The following CACNA1D variants were observed in gnomAD, a reference collection of about 807,000 sequenced individuals.
The protein encoded by CACNA1D is calcium voltage-gated channel subunit alpha1 D.
CACNA1D carries 55 observed loss-of-function variants against 257.1 expected under a neutral mutation model. The ratio of observed to expected loss-of-function variants is 0.21; its 90% CI spans 0.17 to 0.27. The LOEUF is 0.27. Ranked by LOEUF, CACNA1D falls within the 10% of genes least tolerant of loss-of-function variation. The pLI, the probability that CACNA1D is intolerant of heterozygous loss-of-function variation, is 1.00. For missense variants in CACNA1D, 1,876 were observed against 2,784.0 expected, an observed-to-expected ratio of 0.67 and a Z score of 7.34; for synonymous variants, 980 against 1,014.9, an observed-to-expected ratio of 0.97 and a Z score of 0.65.
intron 3 of CACNA1D, among the ~76,000 whole-genome samples, chr3:53,559,537 A>G (rs574995019): frequency 6.7e-4 from 102 of 152,298 alleles, no homozygotes; most frequent in African/African-American, 2.4e-3. Context: ...ACTTTGGTTC[A>G]GTTTTCAAAG....
At chr3:53,806,265 C>T (rs2095565813) in intron 45 of CACNA1D, among the ~76,000 whole-genome samples, 1 of 150,974 alleles carries the variant, frequency 6.6e-6, no homozygotes, top group African/African-American at 2.4e-5. Flanking sequence ...ACTTTCTCTG[C>T]TTCTCCCTCA....
intron 3 of CACNA1D, among the ~76,000 whole-genome samples, chr3:53,585,095 T>C (rs920889280): frequency 7.5e-5 from 11 of 146,812 alleles, no homozygotes; most frequent in Non-Finnish European, 1.5e-4. Context: ...TTAATATGGG[T>C]CAGAGCTGCC....
At chr3:53,650,012 G>A (rs923338802) in intron 3 of CACNA1D, among the ~76,000 whole-genome samples, 3 of 152,224 alleles carry the variant, frequency 2.0e-5, no homozygotes, top group Admixed American at 6.5e-5. Flanking sequence ...TAGCCCGTGA[G>A]CAGCACCTGT....
intron 37 of CACNA1D, 111 bp downstream of exon 37, chr3:53,777,067 G>C (rs2095401933): frequency 6.3e-6 from 5 of 796,138 alleles, no homozygotes; most frequent in Admixed American, 5.9e-5. Context: ...TAGGGATGCA[G>C]CAATGAATAA....
At position 53,811,389 on chromosome 3, in the gene CACNA1D, T is replaced by C. The variant is rs1428483747; in HGVS notation, c.6469T>C (p.Cys2157Arg). ...DEEDLADEMI[C>R]ITTL ...GGAGGACCTGGCGGATGAAATGATA[T>C]GCATCACCACCTTGTAGCCCCCAGC... The change falls in exon 48 of 48, where the codon TGC becomes CGC. Residue 2157 changes from cysteine to arginine, a missense_variant. Cys to Arg is a radical substitution (Grantham distance 180, BLOSUM62 -3). Transcript: ENST00000350061. This position sits in a 1 kb window ranked among gnomAD's most constrained non-coding sequence, Gnocchi z 4.2. 3 of 1,574,434 alleles carry C rather than the reference T, an allele frequency of 1.9e-6. No individual in the cohort carries two copies. Among genetic ancestry groups the C allele is most frequent in the African/African-American group, 1.3e-5 (1 of 74,088 alleles).
chr3:53,518,583 C>T (rs2091435657), intron 3 of CACNA1D, among the ~76,000 whole-genome samples: 1 of 152,130 alleles, frequency 6.6e-6, no homozygotes, highest in African/African-American at 2.4e-5. Context: ...AGGGCTGCAA[C>T]CTCTTCCCAA....
intron 44 of CACNA1D, among the ~76,000 whole-genome samples, chr3:53,804,684 G>T (rs998534393): frequency 3.3e-5 from 5 of 152,204 alleles, no homozygotes; most frequent in Non-Finnish European, 7.3e-5. Flanking sequence ...CAGGAGAGGG[G>T]CTCTCACGGA....
intron 3 of CACNA1D, among the ~76,000 whole-genome samples, chr3:53,599,165 A>G (rs2107858835): frequency 6.6e-6 from 1 of 152,348 alleles, no homozygotes; most frequent in Non-Finnish European, 1.5e-5. Flanking sequence ...CATTTTTCAC[A>G]TTAGCTTAAA....
intron 19 of CACNA1D, 25 bp from the exon 20 acceptor site, chr3:53,735,349 T>G: frequency 6.2e-7 from 1 of 1,613,246 alleles, no homozygotes; most frequent in Non-Finnish European, 8.5e-7. Context: ...TGGGACTGTT[T>G]CCAAGCAGCG....
At chr3:53,720,530 A>AT (rs2094871532) in intron 11 of CACNA1D, among the ~76,000 whole-genome samples, 1 of 152,252 alleles carries the variant, frequency 6.6e-6, no homozygotes, top group Non-Finnish European at 1.5e-5. Context: ...TATCCCATAT[A>AT]TATAAAGATT....
chr3:53,668,793 A>G (rs2094294529), intron 7 of CACNA1D, among the ~76,000 whole-genome samples: 1 of 152,246 alleles, frequency 6.6e-6, no homozygotes, highest in South Asian at 2.1e-4. Flanking sequence ...ATACATAAGC[A>G]AATGGATGTG....
At chr3:53,745,012 T>C (rs755260371) in intron 23 of CACNA1D, among the ~76,000 whole-genome samples, 185 bp downstream of exon 23, 5 of 152,242 alleles carry the variant, frequency 3.3e-5, no homozygotes, top group Admixed American at 6.5e-5. Context: ...ATTTATTGTC[T>C]TTATTTTTGG....
intron 20 of CACNA1D, among the ~76,000 whole-genome samples, chr3:53,736,132 G>T (rs1367572482): frequency 2.0e-5 from 3 of 152,046 alleles, no homozygotes; most frequent in African/African-American, 4.8e-5. Flanking sequence ...TGAAGGACAG[G>T]AGTTCAAGAC....
intron 20 of CACNA1D, among the ~76,000 whole-genome samples, chr3:53,739,174 G>A (rs780336804): frequency 6.6e-6 from 1 of 152,182 alleles, no homozygotes; most frequent in African/African-American, 2.4e-5. Context: ...GCTGGCATAC[G>A]CCAGGCCTAC....
At chr3:53,742,558 A>G (rs543417128) in intron 21 of CACNA1D, among the ~76,000 whole-genome samples, 5 of 152,228 alleles carry the variant, frequency 3.3e-5, no homozygotes, top group South Asian at 2.1e-4. Context: ...GTAGGTCCAT[A>G]GAGCCTGGGA....
intron 46 of CACNA1D, chr3:53,809,132 G>T: frequency 3.8e-6 from 1 of 263,772 alleles, no homozygotes; most frequent in Non-Finnish European, 7.4e-6. Context: ...AAGCGGTGCA[G>T]CCCTTCATTT....
At chr3:53,773,500 A>C (rs978432166) in intron 33 of CACNA1D, 1 of 154,978 alleles carries the variant, frequency 6.5e-6, no homozygotes, top group Non-Finnish European at 1.4e-5. Flanking sequence ...TAGTCTAAGA[A>C]TGGAGGCAGT....
intron 3 of CACNA1D, among the ~76,000 whole-genome samples, chr3:53,596,951 C>G (rs2093378488): frequency 6.6e-6 from 1 of 152,316 alleles, no homozygotes; most frequent in African/African-American, 2.4e-5. Context: ...AGGCTGAGAA[C>G]TGGACCATGT....
rs2095374390 is a variant in CACNA1D, at chr3:53,772,918, C to T, written c.4110+20C>T. The T allele has an allele frequency of 1.2e-6, 2 of 1,601,160 alleles. No individual in the cohort carries two copies. Among genetic ancestry groups the T allele is most frequent in the African/African-American group, 2.7e-5 (2 of 74,836 alleles). On this transcript the variant is annotated intron_variant, in intron 33 of 47. Coordinates refer to ENST00000350061, the MANE Select transcript of CACNA1D (RefSeq NM_001128840.3). ...ATGCAGGTAAGCTCCAGCCATCTCG[C>T]CCTCAGGGGCCCTTTCACTGGGTAG...
Sources: allele counts gnomAD v4.1 joint callset (sites outside exome capture counted in the v4.1 genomes callset), GRCh38; gene constraint gnomAD v4.1.1; non-coding constraint Gnocchi (gnomAD v3.1); transcripts MANE v1.5; gene names NCBI Gene and HGNC (gene_info 2026-07-23, HGNC 2026-07-21).